FBXO38: variants seen among roughly 807,000 people sequenced by gnomAD.
FBXO38 encodes the protein F-box protein 38.
Under a neutral mutation model 131.9 loss-of-function variants are expected in FBXO38, and 53 were observed. That is an observed-to-expected ratio of 0.40 (90% CI 0.32 to 0.51). The LOEUF (loss-of-function observed/expected upper bound fraction) is 0.51, where lower values mean the gene tolerates loss of function less well. FBXO38 is among the 20% of genes least tolerant of loss of function. The pLI is 0.53. For synonymous variants in FBXO38, 452 were observed against 505.6 expected, an observed-to-expected ratio of 0.89 and a Z score of 1.42; for missense variants, 1,076 against 1,475.6, an observed-to-expected ratio of 0.73 and a Z score of 4.44.
In FBXO38 at chr5:148,424,069, G is replaced by T; in HGVS notation, c.1690G>T (p.Ala564Ser). 1 of 1,613,604 alleles carries T rather than the reference G, an allele frequency of 6.2e-7. No homozygotes were observed. Among genetic ancestry groups the T allele is most frequent in the Non-Finnish European group, 8.5e-7 (1 of 1,179,660 alleles). Residue 564 changes from alanine to serine, a missense_variant, in exon 13 of 22, where the codon GCT becomes TCT. By Grantham distance (99) the Ala-to-Ser change is moderately conservative (BLOSUM62 1). Transcript: ENST00000340253. ...GGCCGAGAGTGGAAATAATACTCCAGCTCACAGCCAGGCAATTATTCCTGT... is the reference window on the plus strand; with the variant it reads ...GGCCGAGAGTGGAAATAATACTCCATCTCACAGCCAGGCAATTATTCCTGT... ...VVAESGNNTP[A>S]HSQAIIPVDV...
intron 15 of FBXO38, among the ~76,000 whole-genome samples, chr5:148,432,623 G>A (rs568258838): frequency 2.6e-5 from 4 of 152,342 alleles, no homozygotes; most frequent in Non-Finnish European, 4.4e-5. Flanking sequence ...CACACAGTAA[G>A]CGCTCAGTAA....
At chr5:148,431,068 A>G (rs894560373) in intron 15 of FBXO38, among the ~76,000 whole-genome samples, 1 of 152,204 alleles carries the variant, frequency 6.6e-6, no homozygotes, top group Non-Finnish European at 1.5e-5. Context: ...TTTCCAGTAG[A>G]CTGTGAGCTC....
At chr5:148,424,797 A>G (rs74344664) in intron 13 of FBXO38, among the ~76,000 whole-genome samples, 4,571 of 152,238 alleles carry the variant, frequency 0.03, 222 homozygotes, top group African/African-American at 0.1. Context: ...CACTCATTCA[A>G]CAAATATTTA....
At chr5:148,396,374 T>C (rs1030466971) in intron 2 of FBXO38, among the ~76,000 whole-genome samples, 1 of 152,136 alleles carries the variant, frequency 6.6e-6, no homozygotes, top group African/African-American at 2.4e-5. Context: ...CAAATACATG[T>C]GGAGATCTAG....
At chr5:148,409,855 G>A (rs924680757) in intron 8 of FBXO38, among the ~76,000 whole-genome samples, 12 of 152,210 alleles carry the variant, frequency 7.9e-5, no homozygotes, top group African/African-American at 2.9e-4. Context: ...GTTTAGGTAG[G>A]TATTGTTACC....
At chr5:148,398,866 A>C in intron 2 of FBXO38, 133 bp from the exon 3 acceptor site, 1 of 996,674 alleles carries the variant, frequency 1.0e-6, no homozygotes, top group Non-Finnish European at 1.5e-6. Context: ...TATGTGTGGT[A>C]GCTTTAAATC....
Position 148,404,817 on chromosome 5 carries a change from G to A in FBXO38, c.725G>A (p.Cys242Tyr). The A allele has an allele frequency of 6.2e-7, 1 of 1,601,252 alleles. No individual in the cohort carries two copies. Among genetic ancestry groups the A allele is most frequent in the Non-Finnish European group, 8.5e-7 (1 of 1,176,328 alleles). The change falls in exon 6 of 22, where the codon TGT (cysteine) becomes TAT (tyrosine). Residue 242 changes from cysteine to tyrosine, a missense_variant. Cys to Tyr is a radical substitution (Grantham distance 194). Coordinates refer to ENST00000340253, the MANE Select transcript of FBXO38 (RefSeq NM_205836.3). ...ISLRTFVMRN[C>Y]AGPTNSLKYV... ...TTAAGAACTTTCGTCATGAGGAACT[G>A]TGCAGGTAATGGTACACAATTATGG...
Position 148,427,749 on chromosome 5 carries a change from A to G in FBXO38, c.2455A>G (p.Thr819Ala), listed in dbSNP as rs1260203320. 1 of 1,612,892 alleles carries G rather than the reference A, an allele frequency of 6.2e-7. No homozygotes were observed. The highest frequency in any genetic ancestry group is 8.5e-7 in the Non-Finnish European group (1 of 1,179,372). Residue 819 changes from threonine (T) to alanine (A), a missense_variant, in exon 15 of 22, where the codon ACT (threonine) becomes GCT (alanine). Around this residue, in one of 8 missense-constraint regions of FBXO38, gnomAD observed 213 missense variants for 225.2 expected, o/e 0.95. Transcript: ENST00000340253. ...DGTRSAFSFRTLPQGGSSGPA... is the reference protein window; with the variant it reads ...DGTRSAFSFRALPQGGSSGPA... ...TACGAGATCCGCCTTTTCCTTTAGG[A>G]CTCTGCCACAAGGGGGGTCTTCAGG...
chr5:148,435,695 G>A (rs984780164), intron 17 of FBXO38, among the ~76,000 whole-genome samples: 7 of 152,110 alleles, frequency 4.6e-5, no homozygotes, highest in African/African-American at 1.4e-4. Flanking sequence ...GCATGAACCC[G>A]GTAGGCGGGG....
rs569650318 is a variant in FBXO38, at chr5:148,426,134, A to G, written c.1918+433A>G. ...AGGAGTCCTAAAGCATATTTTTATA[A>G]TCCCTCACATCCCTTTAAATCTAGG... On this transcript the variant is annotated intron_variant, in intron 14 of 21. Transcript: ENST00000340253. Among the ~76,000 whole-genome samples the G allele has an allele frequency of 4.6e-5, 7 of 152,124 alleles. No homozygotes were observed. The South Asian group carries it at 1.5e-3, about 32-fold the overall frequency.
In FBXO38 at chr5:148,421,656, T is replaced by G. The variant is rs75042557; in HGVS notation, c.1619-2342T>G. On this transcript the variant is annotated intron_variant, in intron 12 of 21. Transcript: ENST00000340253. ...ATACATATACATATATATATAACTT[T>G]CTGTAAGTTAAAACTGTTCTGAAAA... is the stretch of plus-strand genomic sequence containing the variant. Among the ~76,000 whole-genome samples, 844 of 152,268 alleles carry G rather than the reference T, an allele frequency of 5.5e-3. 32 individuals carry two copies. In the East Asian group the frequency reaches 0.1, roughly 19 times the overall value.
chr5:148,440,178 G>C (rs1027576201), intron 19 of FBXO38, among the ~76,000 whole-genome samples: 5 of 152,130 alleles, frequency 3.3e-5, no homozygotes, highest in Non-Finnish European at 7.4e-5. Context: ...TTGTGTAGAA[G>C]ACATATGCTT....
intron 12 of FBXO38, among the ~76,000 whole-genome samples, chr5:148,419,423 G>A (rs944453519): frequency 1.3e-5 from 2 of 152,054 alleles, no homozygotes; most frequent in Non-Finnish European, 2.9e-5. Flanking sequence ...CTGATTTTTG[G>A]TTGAAACAAA....
At chr5:148,386,886 C>G (rs1246368341) in intron 1 of FBXO38, among the ~76,000 whole-genome samples, 1 of 151,830 alleles carries the variant, frequency 6.6e-6, no homozygotes, top group African/African-American at 2.4e-5. Flanking sequence ...AATGTATACG[C>G]CATAATTTTA....
At chr5:148,422,280 T>C (rs1753485944) in intron 12 of FBXO38, among the ~76,000 whole-genome samples, 2 of 152,310 alleles carry the variant, frequency 1.3e-5, no homozygotes, top group South Asian at 4.1e-4. Flanking sequence ...CTTGTACTAC[T>C]TCCACCACTA....
At position 148,416,056 on chromosome 5, in the gene FBXO38, C is replaced by T. The variant is rs764491940; in HGVS notation, c.1393C>T (p.Arg465Cys). 6 of 1,598,208 alleles carry T rather than the reference C, an allele frequency of 3.8e-6. No individual in the cohort carries two copies. Among genetic ancestry groups the T allele is most frequent in the East Asian group, 2.3e-5 (1 of 44,378 alleles). ...GTTTATTTCACTGGATCAGATGTTT[C>T]GTGAACCACCCAAGGTAAGATACAT... ...LEFISLDQMF[R>C]EPPKGCARVG... is the part of the protein sequence containing the mutation. The change falls in exon 11 of 22, where the codon CGT (arginine) becomes TGT (cysteine). Residue 465 changes from arginine (R) to cysteine (C), a missense_variant. Physicochemically the swap from Arg to Cys is radical, Grantham distance 180. Around this residue, in one of 8 missense-constraint regions of FBXO38, gnomAD observed 146 missense variants for 274.3 expected, o/e 0.53. Coordinates refer to ENST00000340253, the MANE Select transcript of FBXO38 (RefSeq NM_205836.3).
chr5:148,388,871 T>C (rs1758051471), intron 1 of FBXO38, among the ~76,000 whole-genome samples: 1 of 152,236 alleles, frequency 6.6e-6, no homozygotes, highest in African/African-American at 2.4e-5. Flanking sequence ...ACTTAGCTAA[T>C]GTTTGGCACA....
rs1416887148 is a variant in FBXO38 at position 148,439,567 on chromosome 5, A to G, written c.3025-80A>G. The stretch of plus-strand genomic sequence containing the variant: ...AGATTTCAAAACTGAAGGTCCATGG[A>G]AAGATTGTTCAAGCTCTCGGAGAGA... On this transcript the variant is annotated intron_variant, in intron 18 of 21. Coordinates refer to ENST00000340253, the MANE Select transcript of FBXO38 (RefSeq NM_205836.3). 1.2e-5 allele frequency: 16 copies of G among 1,361,748 alleles called. No homozygotes were observed. The East Asian group carries it at 3.7e-4, about 32-fold the overall frequency. The allele number at this position is 1,361,748 out of a possible 1,614,324, so 84.4% of individuals were successfully genotyped here.
chr5:148,416,747 T>C (rs1332022453), intron 11 of FBXO38: 2 of 463,866 alleles, frequency 4.3e-6, no homozygotes, highest in African/African-American at 3.9e-5. Context: ...TTACTGGCCA[T>C]GTGCTGTTGG....
Sources: allele counts gnomAD v4.1 joint callset (sites outside exome capture counted in the v4.1 genomes callset), GRCh38; gene constraint gnomAD v4.1.1; regional missense constraint gnomAD v4.1.1; transcripts MANE v1.5; gene names NCBI Gene and HGNC (gene_info 2026-07-23, HGNC 2026-07-21).